MYBPC3: variants seen among roughly 807,000 people sequenced by gnomAD.
MYBPC3 encodes myosin-binding protein C, cardiac-type.
MYBPC3 carries 108 observed loss-of-function variants against 159.3 expected under a neutral mutation model. The ratio of observed to expected loss-of-function variants is 0.68; its 90% CI spans 0.58 to 0.80. The LOEUF is 0.80. Ranked by LOEUF, MYBPC3 falls within the 30% of genes least tolerant of loss-of-function variation. The pLI, the probability that MYBPC3 is intolerant of heterozygous loss-of-function variation, is 0.00. For missense variants in MYBPC3, 1,631 were observed against 1,762.1 expected (o/e 0.93, Z 1.33); for synonymous variants, 730 against 702.0 (o/e 1.04, Z -0.63).
intron 1 of MYBPC3, among the ~76,000 whole-genome samples, 161 bp downstream of exon 1, chr11:47,352,462 C>T (rs987560370): frequency 2.2e-4 from 33 of 151,966 alleles, no homozygotes; most frequent in African/African-American, 7.5e-4. Context: ...AAAAAGAAAC[C>T]GAGAATCAAA....
chr11:47,342,683 C>G lies in MYBPC3; in HGVS notation c.1519G>C (p.Gly507Arg). The change falls in exon 17 of 35, where the codon GGG becomes CGG. Residue 507 changes from glycine to arginine, a missense_variant. Transcript: ENST00000545968. ...TTGATGATCAGGTGGTGTCTCTGCC[C>G]GTCCTTCTTGAACCGGTATTTGAAG... The part of the protein sequence containing the change: ...ETFKYRFKKD[G>R]QRHHLIINEA... The G allele has an allele frequency of 1.2e-6, 2 of 1,614,008 alleles. No homozygotes were observed. Among genetic ancestry groups the G allele is most frequent in the Non-Finnish European group, 1.7e-6 (2 of 1,179,892 alleles).
In MYBPC3 at chr11:47,333,572, C is replaced by G. The variant is rs754747269; in HGVS notation, c.3175G>C (p.Val1059Leu). ...IENMEDKATL[V>L]LQVVDKPSPP... ...GGCCACGCACCAACAACCTGCAGCA[C>G]CAGCGTGGCCTTGTCCTCCATGTTC... is the stretch of plus-strand genomic sequence containing the variant. Residue 1059 changes from valine to leucine, a missense_variant, in exon 29 of 35, where the codon GTG becomes CTG. Transcript: ENST00000545968. The G allele has an allele frequency of 1.2e-6, 2 of 1,600,504 alleles. No homozygotes were observed. The highest frequency in any genetic ancestry group is 1.1e-5 in the South Asian group (1 of 91,090).
chr11:47,343,314 C>CGAGACAAAA lies in MYBPC3; in HGVS notation c.1224-61_1224-53dup, dbSNP rs1565628380. The CGAGACAAAA allele has an allele frequency of 2.3e-4, 344 of 1,522,944 alleles. 3 individuals are homozygous for CGAGACAAAA. The South Asian group carries it at 4.1e-3, about 18-fold the overall frequency. The allele number at this position is 1,522,944 out of a possible 1,614,324, so 94.3% of individuals were successfully genotyped here. A position where few individuals can be genotyped will look rare whatever the true frequency, so the allele number is the denominator to read the frequency against. On this transcript the variant is annotated intron_variant, in intron 13 of 34. Transcript: ENST00000545968. Reference sequence around the variant, plus strand: ...TGTTCCCGACGGGAGGAAGTGAGCCCGAGACAAAAGGAGAGAGAGAGAGGG... The same window carrying CGAGACAAAA: ...TGTTCCCGACGGGAGGAAGTGAGCCCGAGACAAAAGAGACAAAAGGAGAGAGAGAGAGGG...
chr11:47,336,049 C>A (rs375016352), intron 25 of MYBPC3, 38 bp from the exon 26 acceptor site: 4 of 1,400,704 alleles, frequency 2.9e-6, no homozygotes, highest in South Asian at 1.8e-5. Context: ...TCTGAGCAAG[C>A]CTGGGGAAGC....
At chr11:47,344,066 G>A (rs567180351) in intron 12 of MYBPC3, among the ~76,000 whole-genome samples, 3 of 152,364 alleles carry the variant, frequency 2.0e-5, no homozygotes, top group Admixed American at 2.0e-4. Context: ...TGGGATTACA[G>A]GCATGGTGTC....
intron 13 of MYBPC3, 37 bp downstream of exon 13, chr11:47,343,455 C>A (rs987341506): frequency 6.5e-7 from 1 of 1,549,836 alleles, no homozygotes; most frequent in Non-Finnish European, 8.7e-7. Context: ...GGGGTCCCCA[C>A]CTCCACCCGA....
Position 47,343,524 on chromosome 11 carries a change from G to A in MYBPC3, c.1191C>T (p.Leu397=), listed in dbSNP as rs1319991948. Residue 397 remains leucine, a synonymous_variant, in exon 13 of 35, where the codon CTC becomes CTT. Transcript: ENST00000545968. ...LADHDAEVKW[L]KNGQEIQMSG... Reference sequence around the variant, plus strand: ...TCATCTGGATCTCCTGGCCATTCTTGAGCCATTTGACCTCAGCGTCATGGT... The same window carrying A: ...TCATCTGGATCTCCTGGCCATTCTTAAGCCATTTGACCTCAGCGTCATGGT... 1.3e-6 allele frequency: 2 copies of A among 1,545,172 alleles called. No individual in the cohort carries two copies. The highest frequency in any genetic ancestry group is 8.8e-7 in the Non-Finnish European group (1 of 1,140,824).
chr11:47,341,974 C>CT lies in MYBPC3; in HGVS notation c.1790+16dup. On this transcript the variant is annotated intron_variant, in intron 18 of 34. Coordinates refer to ENST00000545968, the MANE Select transcript of MYBPC3 (RefSeq NM_000256.3). Reference sequence around the variant, plus strand: ...CTCAGTCTCCACCTGTCCCATCCACCTGCCCTGCACACTCACCGCCCGATG... The same window carrying CT: ...CTCAGTCTCCACCTGTCCCATCCACCTTGCCCTGCACACTCACCGCCCGATG... 6.4e-7 allele frequency: 1 copy of CT among 1,553,540 alleles called. No homozygotes were observed. The highest frequency in any genetic ancestry group is 8.7e-7 in the Non-Finnish European group (1 of 1,147,662).
rs760786216 is a variant in MYBPC3 at position 47,338,528 on chromosome 11, T to C, written c.2300A>G (p.Lys767Arg). The change falls in exon 23 of 35, where the codon AAG (lysine) becomes AGG (arginine). Residue 767 changes from lysine (K) to arginine (R), a missense_variant. Transcript: ENST00000545968. This position sits in a 1 kb window ranked among gnomAD's most constrained non-coding sequence, Gnocchi z 4.7. Reference sequence around the variant, plus strand: ...ACCCCGGCCGGCCTCACCGATGACCTTGACTGTGAGGTTGACCTGGTCCTC... The same window carrying C: ...ACCCCGGCCGGCCTCACCGATGACCCTGACTGTGAGGTTGACCTGGTCCTC... ...VGEDQVNLTV[K>R]VIDVPDAPAA... is the part of the protein sequence containing the mutation. 2.7e-5 allele frequency: 43 copies of C among 1,613,888 alleles called. No homozygotes were observed. The highest frequency in any genetic ancestry group is 1.6e-4 in the Middle Eastern group (1 of 6,084).
intron 21 of MYBPC3, 45 bp from the exon 22 acceptor site, chr11:47,339,449 C>T (rs2095886010): frequency 6.3e-7 from 1 of 1,597,726 alleles, no homozygotes; most frequent in East Asian, 2.2e-5. Context: ...GGAGCTGACT[C>T]AGCCTGGAAG....
rs114052742 is a variant in MYBPC3, at chr11:47,338,780, C to T, written c.2149-101G>A. The T allele has an allele frequency of 3.5e-4, 481 of 1,358,660 alleles. 3 individuals carry two copies. The African/African-American group carries it at 6.0e-3, about 17-fold the overall frequency. 84.2% of individuals were successfully genotyped at this position (1,358,660 alleles called of 1,614,324 possible). A position where few individuals can be genotyped will look rare whatever the true frequency, so the allele number is the denominator to read the frequency against. ...GTCCCGGGGGTCCATGGGGGGAACACAGCCTGTGGGAAGACTGCATCCACG... is the reference window on the plus strand; with the variant it reads ...GTCCCGGGGGTCCATGGGGGGAACATAGCCTGTGGGAAGACTGCATCCACG... On this transcript the variant is annotated intron_variant, in intron 22 of 34. Transcript: ENST00000545968. This position sits in a 1 kb window ranked among gnomAD's most constrained non-coding sequence, Gnocchi z 4.7.
In MYBPC3 at chr11:47,346,402, GC is replaced by G; in HGVS notation, c.927-33del. On this transcript the variant is annotated intron_variant, in intron 11 of 34. Coordinates refer to ENST00000545968, the MANE Select transcript of MYBPC3 (RefSeq NM_000256.3). This position sits in a 1 kb window ranked among gnomAD's most constrained non-coding sequence, Gnocchi z 5.3. ...CCCGCAGTCTAGGCTGTGGCCGGGG[GC>G]AAGACTGCAGCCCCCTGGGCGGGGC... 1 of 1,526,240 alleles carries G rather than the reference GC, an allele frequency of 6.6e-7. No homozygotes were observed. The highest frequency in any genetic ancestry group is 8.8e-7 in the Non-Finnish European group (1 of 1,131,506). The allele number at this position is 1,526,240 out of a possible 1,614,324, so 94.5% of individuals were successfully genotyped here.
At chr11:47,347,829 C>T (rs747800750) in intron 7 of MYBPC3, 28 bp downstream of exon 7, 15 of 1,556,680 alleles carry the variant, frequency 9.6e-6, no homozygotes, top group Non-Finnish European at 1.0e-5. Flanking sequence ...GCACTGGCCT[C>T]CCCCAGGCCC....
rs1233113283 is a variant in MYBPC3, at chr11:47,338,910, G to A, written c.2149-231C>T. On this transcript the variant is annotated intron_variant, in intron 22 of 34. Coordinates refer to ENST00000545968, the MANE Select transcript of MYBPC3 (RefSeq NM_000256.3). The surrounding 1 kb of genome is among the most constrained non-coding windows in gnomAD (Gnocchi z 4.7). ...GGCAACCACCTGTCCTCTCAGATGA[G>A]CTATCATGAGGACCCCTCAAGACCC... 6.6e-6 allele frequency among the ~76,000 whole-genome samples: 1 copy of A among 152,206 alleles called. No individual in the cohort carries two copies. Among genetic ancestry groups the A allele is most frequent in the African/African-American group, 2.4e-5 (1 of 41,458 alleles).
Position 47,351,091 on chromosome 11 carries a change from G to T in MYBPC3, c.292+148C>A. On this transcript the variant is annotated intron_variant, in intron 2 of 34. Coordinates refer to ENST00000545968, the MANE Select transcript of MYBPC3 (RefSeq NM_000256.3). This position sits in a 1 kb window ranked among gnomAD's most constrained non-coding sequence, Gnocchi z 4.2. ...CTCAGAGAGGTCATGTGCAGAAAAG[G>T]GGGAAAGGGCGTTCCTGGCGGGGGG... The T allele has an allele frequency of 9.4e-7, 1 of 1,069,100 alleles. No individual in the cohort carries two copies. The highest frequency in any genetic ancestry group is 1.3e-6 in the Non-Finnish European group (1 of 771,010). The allele number at this position is 1,069,100 out of a possible 1,614,324, so 66.2% of individuals were successfully genotyped here.
chr11:47,348,199 A>G (rs1403343012), intron 6 of MYBPC3, among the ~76,000 whole-genome samples: 2 of 152,152 alleles, frequency 1.3e-5, no homozygotes, highest in Admixed American at 6.5e-5. Flanking sequence ...CCAAGATGAT[A>G]AAACAGAGTC....
Position 47,341,207 on chromosome 11 carries a change from C to G in MYBPC3, c.1828G>C (p.Asp610His), listed in dbSNP as rs371564200. 6.4e-5 allele frequency: 103 copies of G among 1,598,984 alleles called. No individual in the cohort carries two copies. The highest frequency in any genetic ancestry group is 7.8e-5 in the Non-Finnish European group (92 of 1,173,132). ...GGCACAAAGCTGTAGTCAGCCTCGT[C>G]GGCAGGTGTGACGTCGTCAATGGTC... Reference protein sequence around the residue: ...KLTIDDVTPADEADYSFVPEG... With the variant: ...KLTIDDVTPAHEADYSFVPEG... The change falls in exon 19 of 35, where the codon GAC becomes CAC. Residue 610 changes from aspartate to histidine, a missense_variant. Physicochemically the swap from Asp to His is moderately conservative, Grantham distance 81. Coordinates refer to ENST00000545968, the MANE Select transcript of MYBPC3 (RefSeq NM_000256.3).
At position 47,337,596 on chromosome 11, in the gene MYBPC3, G is replaced by A. The variant is rs1324751812; in HGVS notation, c.2414-17C>T. ...GGATGTAGCCTGGCTCAGGGGAGGT[G>A]GCAGCTCTGGTCTGGAACCCAGGCA... On this transcript the variant is annotated splice_polypyrimidine_tract_variant and intron_variant, in intron 24 of 34. Transcript: ENST00000545968. 2 of 1,613,890 alleles carry A rather than the reference G, an allele frequency of 1.2e-6. No individual in the cohort carries two copies. Among genetic ancestry groups the A allele is most frequent in the Non-Finnish European group, 1.7e-6 (2 of 1,179,860 alleles).
rs1281745222 is a variant in MYBPC3 at position 47,338,805 on chromosome 11, G to T, written c.2149-126C>A. ...CAGCCTGTGGGAAGACTGCATCCAC[G>T]TCAGCATCTAGTTCAAAATCATCTC... On this transcript the variant is annotated intron_variant, in intron 22 of 34. Coordinates refer to ENST00000545968, the MANE Select transcript of MYBPC3 (RefSeq NM_000256.3). The surrounding 1 kb of genome is among the most constrained non-coding windows in gnomAD (Gnocchi z 4.7). 4.3e-6 allele frequency: 5 copies of T among 1,171,264 alleles called. No homozygotes were observed. In the East Asian group the frequency reaches 7.7e-5, roughly 18 times the overall value. The allele number at this position is 1,171,264 out of a possible 1,614,324, so 72.6% of individuals were successfully genotyped here. A position where few individuals can be genotyped will look rare whatever the true frequency, so the allele number is the denominator to read the frequency against.
Sources: allele counts gnomAD v4.1 joint callset (sites outside exome capture counted in the v4.1 genomes callset), GRCh38; gene constraint gnomAD v4.1.1; non-coding constraint Gnocchi (gnomAD v3.1); transcripts MANE v1.5; gene names NCBI Gene and HGNC (gene_info 2026-07-23, HGNC 2026-07-21).